The following TNNI3K variants were observed in gnomAD, a reference collection of about 807,000 sequenced individuals.
The protein encoded by TNNI3K is serine/threonine-protein kinase TNNI3K.
In TNNI3K, 140 loss-of-function variants were observed where a neutral mutation model predicts 114.5. That is an observed-to-expected ratio of 1.22 (90% CI 1.07 to 1.41). The LOEUF (loss-of-function observed/expected upper bound fraction) is 1.41. Ranked by LOEUF, TNNI3K falls within the 40% of genes most tolerant of loss-of-function variation. The pLI, the probability that TNNI3K is intolerant of heterozygous loss-of-function variation, is 0.00. For synonymous variants in TNNI3K, 347 were observed against 347.5 expected, an observed-to-expected ratio of 1.00 and a Z score of 0.02; for missense variants, 1,125 against 1,007.6, an observed-to-expected ratio of 1.12 and a Z score of -1.58.
chr1:74,431,578 G>C (rs901023722), intron 17 of TNNI3K, among the ~76,000 whole-genome samples: 1 of 152,088 alleles, frequency 6.6e-6, no homozygotes, highest in Non-Finnish European at 1.5e-5. Context: ...CTCAGCCCAA[G>C]TCCTAACATC....
rs527917238 is a variant in TNNI3K, at chr1:74,465,559, C to T, written c.2121+2009C>T. ...GTCCCCCCCCAACCGTGGGCTCCTG[C>T]GTGGCCCGAGCCTCTCCTATGGGCA... On this transcript the variant is annotated intron_variant, in intron 21 of 24. Transcript: ENST00000326637. 5.9e-3 allele frequency among the ~76,000 whole-genome samples: 893 copies of T among 152,276 alleles called. 7 individuals carry two copies. The highest frequency in any genetic ancestry group is 6.7e-3 in the Non-Finnish European group (456 of 68,020).
At chr1:74,288,274 A>G (rs1198376974) in intron 5 of TNNI3K, among the ~76,000 whole-genome samples, 1 of 152,124 alleles carries the variant, frequency 6.6e-6, no homozygotes, top group Admixed American at 6.5e-5. Flanking sequence ...TTTTTTAAAA[A>G]TGGTGTCTCA....
chr1:74,533,003 G>T (rs1301002664), intron 23 of TNNI3K, among the ~76,000 whole-genome samples: 1 of 152,150 alleles, frequency 6.6e-6, no homozygotes, highest in Non-Finnish European at 1.5e-5. Context: ...ACATAGGCAT[G>T]GGCAAGGACT....
intron 5 of TNNI3K, among the ~76,000 whole-genome samples, chr1:74,296,861 C>T (rs976983111): frequency 6.6e-6 from 1 of 151,792 alleles, no homozygotes; most frequent in Non-Finnish European, 1.5e-5. Context: ...AATTTTTTTC[C>T]GTTGGTGTTA....
chr1:74,330,191 C>T (rs1056820714), intron 5 of TNNI3K, among the ~76,000 whole-genome samples: 3 of 151,860 alleles, frequency 2.0e-5, no homozygotes, highest in Admixed American at 6.6e-5. Flanking sequence ...GCTACTTTGG[C>T]GTATTGATTA....
chr1:74,320,244 C>T (rs375840753), intron 5 of TNNI3K, among the ~76,000 whole-genome samples: 66 of 152,242 alleles, frequency 4.3e-4, no homozygotes, highest in African/African-American at 1.5e-3. Flanking sequence ...AGGTTTCTGA[C>T]TAGATGATGT....
At chr1:74,424,439 C>T (rs1003492741) in intron 17 of TNNI3K, among the ~76,000 whole-genome samples, 1 of 152,014 alleles carries the variant, frequency 6.6e-6, no homozygotes, top group Non-Finnish European at 1.5e-5. Context: ...GAAATAGAGG[C>T]TGGACACAGA....
chr1:74,447,375 T>A (rs1348989101), intron 20 of TNNI3K, among the ~76,000 whole-genome samples: 1 of 149,684 alleles, frequency 6.7e-6, no homozygotes, highest in Non-Finnish European at 1.5e-5. Flanking sequence ...TGCTTGTGAT[T>A]TTTCCAGAAT....
At chr1:74,399,791 C>G (rs1028416256) in intron 17 of TNNI3K, among the ~76,000 whole-genome samples, 1 of 152,142 alleles carries the variant, frequency 6.6e-6, no homozygotes, top group Non-Finnish European at 1.5e-5. Context: ...AGAGGGTTCA[C>G]AATTATTGGA....
chr1:74,425,877 C>T (rs1044803750), intron 17 of TNNI3K, among the ~76,000 whole-genome samples: 1 of 151,898 alleles, frequency 6.6e-6, no homozygotes, highest in Non-Finnish European at 1.5e-5. Context: ...AGCCCTAAAC[C>T]ATCGTGGTTG....
chr1:74,307,449 A>G (rs886139411), intron 5 of TNNI3K, among the ~76,000 whole-genome samples: 2 of 152,262 alleles, frequency 1.3e-5, no homozygotes, highest in African/African-American at 4.8e-5. Flanking sequence ...AAGATCTGTC[A>G]AGCAAATGAA....
intron 5 of TNNI3K, among the ~76,000 whole-genome samples, chr1:74,285,915 G>A (rs1657304421): frequency 6.6e-6 from 1 of 152,118 alleles, no homozygotes; most frequent in Non-Finnish European, 1.5e-5. Context: ...AAAAAATGAT[G>A]ACAATTAAGT....
intron 11 of TNNI3K, among the ~76,000 whole-genome samples, chr1:74,360,405 C>T (rs532519809): frequency 6.6e-6 from 1 of 152,150 alleles, no homozygotes; most frequent in South Asian, 2.1e-4. Context: ...GGCAACCCCA[C>T]ATGCCACAAC....
At chr1:74,441,040 C>G (rs1235946223) in intron 20 of TNNI3K, among the ~76,000 whole-genome samples, 1 of 152,096 alleles carries the variant, frequency 6.6e-6, no homozygotes. Context: ...TAGCCCAAGC[C>G]ATCTTTCCTT....
chr1:74,514,090 A>G (rs1259536304), intron 23 of TNNI3K, among the ~76,000 whole-genome samples: 2 of 152,214 alleles, frequency 1.3e-5, no homozygotes, highest in African/African-American at 2.4e-5. Flanking sequence ...TGCATAGCCA[A>G]ATTTACCCAG....
intron 13 of TNNI3K, among the ~76,000 whole-genome samples, chr1:74,368,705 G>C (rs1319617437): frequency 6.6e-6 from 1 of 151,870 alleles, no homozygotes; most frequent in East Asian, 2.0e-4. Context: ...GAGTAGATCA[G>C]GAATAGACCC....
chr1:74,440,453 A>G (rs1013410439), intron 20 of TNNI3K, among the ~76,000 whole-genome samples: 1 of 152,138 alleles, frequency 6.6e-6, no homozygotes, highest in Non-Finnish European at 1.5e-5. Flanking sequence ...GATAAAGTCA[A>G]AAGAGATGTT....
intron 21 of TNNI3K, 100 bp from the exon 22 acceptor site, chr1:74,489,089 A>G (rs1668907922): frequency 6.6e-6 from 6 of 905,094 alleles, no homozygotes; most frequent in Non-Finnish European, 8.5e-6. Context: ...CTTTATTGTT[A>G]ATCTCATTCT....
intron 23 of TNNI3K, among the ~76,000 whole-genome samples, chr1:74,508,339 G>C (rs191291564): frequency 9.8e-5 from 15 of 152,308 alleles, no homozygotes; most frequent in African/African-American, 2.9e-4. Context: ...TTTTGTACCA[G>C]ATAACAGGCT....
Sources: gnomAD v4.1 joint callset for allele counts (sites outside exome capture counted in the v4.1 genomes callset) on GRCh38, gnomAD v4.1.1 for gene constraint, MANE v1.5 for transcripts, NCBI Gene and HGNC (gene_info 2026-07-23, HGNC 2026-07-21) for gene names.